The following NUP155 variants were observed in gnomAD, a reference collection of about 807,000 sequenced individuals.
The protein encoded by NUP155 is nuclear pore complex protein Nup155.
Under a neutral mutation model 180.4 loss-of-function variants are expected in NUP155, and 71 were observed. The observed-to-expected ratio is 0.39, with a 90% CI of 0.33 to 0.48. NUP155 has a LOEUF of 0.48. Ranked by LOEUF, NUP155 falls within the 20% of genes least tolerant of loss-of-function variation. The pLI is 0.91. For synonymous variants in NUP155, 582 were observed against 559.5 expected (o/e 1.04, Z -0.57); for missense variants, 1,553 against 1,648.9 (o/e 0.94, Z 1.01).
At chr5:37,363,604 C>T (rs368570468) in intron 3 of NUP155, among the ~76,000 whole-genome samples, 19 of 152,142 alleles carry the variant, frequency 1.2e-4, no homozygotes, top group African/African-American at 3.4e-4. Flanking sequence ...ATTTTTACTA[C>T]GGGCTAACAG....
chr5:37,301,348 T>C (rs558386130), intron 30 of NUP155, 89 bp downstream of exon 30: 4 of 793,354 alleles, frequency 5.0e-6, no homozygotes, highest in Admixed American at 1.9e-5. Flanking sequence ...ATAAGGTAAT[T>C]TTCCCCATGA....
Position 37,299,521 on chromosome 5 carries a change from A to G in NUP155, c.3609T>C (p.Leu1203=), listed in dbSNP as rs772481531. ...AATAACCGGCACAATGAATTATTGC[A>G]AGTTTGCACTCTGCAAGTTTAAATG... The part of the protein sequence containing the change: ...ADPFKLAECK[L]AIIHCAGYSD... Residue 1203 remains leucine, a synonymous_variant, in exon 31 of 35, where the codon CTT becomes CTC. Transcript: ENST00000231498. 1 of 1,614,014 alleles carries G rather than the reference A, an allele frequency of 6.2e-7. No individual in the cohort carries two copies. Among genetic ancestry groups the G allele is most frequent in the Non-Finnish European group, 8.5e-7 (1 of 1,179,982 alleles).
Position 37,294,474 on chromosome 5 carries a change from A to C in NUP155, c.3794-9T>G, listed in dbSNP as rs759662312. On this transcript the variant is annotated splice_polypyrimidine_tract_variant and intron_variant, in intron 32 of 34. Coordinates refer to ENST00000231498, the MANE Select transcript of NUP155 (RefSeq NM_153485.3). ...AAACTGTACAATAAAATCTGGGAAG[A>C]AAAAAAAAGATCGGAAATTTGGATT... is the stretch of plus-strand genomic sequence containing the variant. 3 of 1,596,708 alleles carry C rather than the reference A, an allele frequency of 1.9e-6. No homozygotes were observed. The highest frequency in any genetic ancestry group is 1.7e-6 in the Non-Finnish European group (2 of 1,166,720).
intron 29 of NUP155, 24 bp from the exon 30 acceptor site, chr5:37,301,574 G>A (rs758502980): frequency 2.2e-6 from 3 of 1,333,672 alleles, no homozygotes; most frequent in South Asian, 1.2e-5. Flanking sequence ...AAAACAGGAT[G>A]TCTTAATTTA....
rs773954863 is a variant in NUP155 at position 37,351,376 on chromosome 5, T to C, written c.557-20A>G. The C allele has an allele frequency of 5.2e-5, 81 of 1,568,602 alleles. No individual in the cohort carries two copies. The highest frequency in any genetic ancestry group is 2.6e-6 in the Non-Finnish European group (3 of 1,140,032). On this transcript the variant is annotated intron_variant, in intron 5 of 34. Transcript: ENST00000231498. ...CAGAACCTATTTAAGAAAGAATACA[T>C]AAATCAGTTTATTAGCTACTCCACA...
chr5:37,294,177 T>A (rs1016184686), intron 33 of NUP155, 152 bp downstream of exon 33: 1 of 583,454 alleles, frequency 1.7e-6, no homozygotes, highest in African/African-American at 1.9e-5. Context: ...ATTATCAGTT[T>A]AAAAAGTCAA....
At chr5:37,293,156 C>A in intron 33 of NUP155, 171 bp from the exon 34 acceptor site, 1 of 583,080 alleles carries the variant, frequency 1.7e-6, no homozygotes, top group Non-Finnish European at 3.1e-6. Context: ...ATATTTCAAA[C>A]AACATTAAAA....
At chr5:37,300,659 GTTTT>G (rs374899115) in intron 30 of NUP155, among the ~76,000 whole-genome samples, 1 of 151,016 alleles carries the variant, frequency 6.6e-6, no homozygotes, top group Non-Finnish European at 1.5e-5. Flanking sequence ...TGGTTTTTTA[GTTTT>G]TTTTTCTTTT....
At chr5:37,332,147 T>C (rs941399100) in intron 13 of NUP155, among the ~76,000 whole-genome samples, 2 of 136,996 alleles carry the variant, frequency 1.5e-5, no homozygotes, top group Non-Finnish European at 3.0e-5. Flanking sequence ...ATCATGTTGC[T>C]ACTATTTATA....
chr5:37,324,242 A>G (rs1288089326), intron 19 of NUP155, 135 bp from the exon 20 acceptor site: 8 of 681,682 alleles, frequency 1.2e-5, no homozygotes, highest in South Asian at 1.6e-5. Flanking sequence ...ATCCGAATAA[A>G]GTATACCTAC....
At chr5:37,364,446 G>A (rs574685584) in intron 1 of NUP155, 62 bp from the exon 2 acceptor site, 2 of 1,463,906 alleles carry the variant, frequency 1.4e-6, no homozygotes, top group Admixed American at 3.4e-5. Flanking sequence ...CAAACAAAAG[G>A]ATTGAGTGCC....
chr5:37,363,736 G>A, intron 3 of NUP155, 152 bp downstream of exon 3: 2 of 656,216 alleles, frequency 3.0e-6, no homozygotes, highest in Admixed American at 4.2e-5. Context: ...ATGCACATTT[G>A]AACATCTCCA....
At chr5:37,306,200 G>A (rs1743143798) in intron 25 of NUP155, among the ~76,000 whole-genome samples, 1 of 150,994 alleles carries the variant, frequency 6.6e-6, no homozygotes, top group South Asian at 2.1e-4. Flanking sequence ...AGACCAGCCT[G>A]GGCAATATAG....
chr5:37,325,684 G>A (rs184350413), intron 19 of NUP155, among the ~76,000 whole-genome samples: 60 of 145,646 alleles, frequency 4.1e-4, no homozygotes, highest in Non-Finnish European at 6.8e-4. Context: ...TGGGAGGATC[G>A]CTTGACCCCA....
rs1742971162 is a variant in NUP155 at position 37,303,371 on chromosome 5, T to C, written c.3206A>G (p.Lys1069Arg). 6 of 1,613,978 alleles carry C rather than the reference T, an allele frequency of 3.7e-6. No homozygotes were observed. Among genetic ancestry groups the C allele is most frequent in the East Asian group, 2.2e-5 (1 of 44,876 alleles). ...ATAACGAACTCTGTTTTGATCAACT[T>C]TGGCCATTCGGACTAGATGTGGCTC... is the stretch of plus-strand genomic sequence containing the variant. Reference protein sequence around the residue: ...FLEPHLVRMAKVDQNRVRYMD... With the variant: ...FLEPHLVRMARVDQNRVRYMD... The change falls in exon 28 of 35, where the codon AAA (lysine) becomes AGA (arginine). Residue 1069 changes from lysine to arginine, a missense_variant. Physicochemically the swap from Lys to Arg is conservative, Grantham distance 26 (BLOSUM62 2). Coordinates refer to ENST00000231498, the MANE Select transcript of NUP155 (RefSeq NM_153485.3).
intron 3 of NUP155, among the ~76,000 whole-genome samples, chr5:37,362,104 T>C (rs1747258863): frequency 6.6e-6 from 1 of 152,168 alleles, no homozygotes; most frequent in Non-Finnish European, 1.5e-5. Flanking sequence ...GGCTATGGTA[T>C]TCTGTTTTAG....
intron 9 of NUP155, among the ~76,000 whole-genome samples, chr5:37,344,687 C>T (rs1007268773): frequency 6.6e-6 from 1 of 151,760 alleles, no homozygotes; most frequent in Non-Finnish European, 1.5e-5. Context: ...AGCTGGCCAA[C>T]ATGGTAAAAC....
intron 15 of NUP155, 123 bp from the exon 16 acceptor site, chr5:37,329,401 TA>T: frequency 1.3e-6 from 1 of 747,308 alleles, no homozygotes; most frequent in Non-Finnish European, 2.4e-6. Context: ...GACTTCAATG[TA>T]TTGTGCTGAC....
At chr5:37,358,516 T>A (rs1561813108) in intron 3 of NUP155, among the ~76,000 whole-genome samples, 1 of 152,000 alleles carries the variant, frequency 6.6e-6, no homozygotes, top group Non-Finnish European at 1.5e-5. Flanking sequence ...TGATCTTTAT[T>A]ATTATTATTA....
Sources: gnomAD v4.1 joint callset for allele counts (sites outside exome capture counted in the v4.1 genomes callset) on GRCh38, gnomAD v4.1.1 for gene constraint, MANE v1.5 for transcripts, NCBI Gene and HGNC (gene_info 2026-07-23, HGNC 2026-07-21) for gene names.